Variants in TPD52L1 observed in about 807,000 individuals in gnomAD.
TPD52L1 encodes the protein TPD52 like 1.
In TPD52L1, 18 loss-of-function variants were observed where a neutral mutation model predicts 28.7. The observed-to-expected ratio is 0.63, with a 90% CI of 0.43 to 0.93. The LOEUF (loss-of-function observed/expected upper bound fraction) is 0.93. Ranked by LOEUF, TPD52L1 falls within the 40% of genes least tolerant of loss-of-function variation. TPD52L1 has a pLI of 0.00. For missense variants in TPD52L1, 203 were observed against 254.8 expected, an observed-to-expected ratio of 0.80 and a Z score of 1.39; for synonymous variants, 75 against 88.8, an observed-to-expected ratio of 0.84 and a Z score of 0.88.
At chr6:125,237,735 C>T (rs1230448750) in intron 3 of TPD52L1, among the ~76,000 whole-genome samples, 1 of 151,238 alleles carries the variant, frequency 6.6e-6, no homozygotes, top group African/African-American at 2.4e-5. Flanking sequence ...CCTCTGCCTC[C>T]TGGGTTCAAG....
intron 1 of TPD52L1, among the ~76,000 whole-genome samples, chr6:125,169,471 C>A (rs567880890): frequency 6.6e-6 from 1 of 152,210 alleles, no homozygotes; most frequent in Admixed American, 6.5e-5. Context: ...TCCAAAATAT[C>A]CCTAGTCCTC....
At chr6:125,171,476 T>C (rs1791293575) in intron 1 of TPD52L1, among the ~76,000 whole-genome samples, 1 of 152,176 alleles carries the variant, frequency 6.6e-6, no homozygotes, top group Non-Finnish European at 1.5e-5. Flanking sequence ...TACATTACAT[T>C]AATAAGACTT....
intron 2 of TPD52L1, among the ~76,000 whole-genome samples, chr6:125,223,382 G>C (rs1238946127): frequency 6.6e-6 from 1 of 152,100 alleles, no homozygotes; most frequent in African/African-American, 2.4e-5. Flanking sequence ...TGTCCAAAAG[G>C]CTTACATCTT....
chr6:125,232,627 A>G (rs1201961329), intron 3 of TPD52L1, among the ~76,000 whole-genome samples: 1 of 152,174 alleles, frequency 6.6e-6, no homozygotes, highest in East Asian at 1.9e-4. Context: ...ATCATGACCT[A>G]TTTAGTTTGA....
chr6:125,190,911 C>T (rs929166838), intron 1 of TPD52L1, among the ~76,000 whole-genome samples: 7 of 152,172 alleles, frequency 4.6e-5, no homozygotes, highest in Admixed American at 1.3e-4. Context: ...TGTTCCTAAC[C>T]GCCTGTATGT....
At chr6:125,231,862 G>A (rs147396036) in intron 3 of TPD52L1, among the ~76,000 whole-genome samples, 1 of 152,266 alleles carries the variant, frequency 6.6e-6, no homozygotes, top group African/African-American at 2.4e-5. Context: ...CATGAAGTGA[G>A]ATCATCTTAA....
At chr6:125,206,188 A>T (rs530287065) in intron 1 of TPD52L1, among the ~76,000 whole-genome samples, 64 of 152,292 alleles carry the variant, frequency 4.2e-4, no homozygotes, top group Non-Finnish European at 7.4e-4. Flanking sequence ...GTGGTGACTC[A>T]TGTGTTCTTT....
At chr6:125,182,707 C>T (rs1792287568) in intron 1 of TPD52L1, among the ~76,000 whole-genome samples, 3 of 152,180 alleles carry the variant, frequency 2.0e-5, no homozygotes, top group Non-Finnish European at 2.9e-5. Context: ...CCTCCCAGCC[C>T]TGAAGAACTG....
chr6:125,179,735 A>G (rs1792062376), intron 1 of TPD52L1, among the ~76,000 whole-genome samples: 1 of 152,184 alleles, frequency 6.6e-6, no homozygotes. Context: ...TTTTCATTCA[A>G]TAGAACTAAC....
rs142750789 is a variant in TPD52L1 at position 125,220,995 on chromosome 6, C to G, written c.135+802C>G. On this transcript the variant is annotated intron_variant, in intron 2 of 6. Transcript: ENST00000534000. ...CAGGAAGATCCTGTTCCCACAGAAGCAAGGCTTGGCCTTCCTGCTTTGGCC... is the reference window on the plus strand; with the variant it reads ...CAGGAAGATCCTGTTCCCACAGAAGGAAGGCTTGGCCTTCCTGCTTTGGCC... 4.8e-3 allele frequency among the ~76,000 whole-genome samples: 728 copies of G among 152,286 alleles called. 7 individuals carry two copies. The highest frequency in any genetic ancestry group is 0.017 in the African/African-American group (688 of 41,556).
At chr6:125,186,552 A>G (rs915629131) in intron 1 of TPD52L1, among the ~76,000 whole-genome samples, 2 of 152,222 alleles carry the variant, frequency 1.3e-5, no homozygotes, top group African/African-American at 2.4e-5. Context: ...CCCAACAAAG[A>G]TATTTTGAAA....
At chr6:125,200,904 A>C (rs1461253823) in intron 1 of TPD52L1, among the ~76,000 whole-genome samples, 1 of 152,212 alleles carries the variant, frequency 6.6e-6, no homozygotes, top group Non-Finnish European at 1.5e-5. Context: ...AAAGGAATGG[A>C]GTCAGCGTTC....
chr6:125,237,368 A>C (rs545416056), intron 3 of TPD52L1, among the ~76,000 whole-genome samples: 1 of 152,206 alleles, frequency 6.6e-6, no homozygotes, highest in South Asian at 2.1e-4. Flanking sequence ...GAGTAGTGGA[A>C]GCAGTGAGAA....
intron 3 of TPD52L1, among the ~76,000 whole-genome samples, chr6:125,242,333 A>T (rs1796662303): frequency 6.6e-6 from 1 of 151,978 alleles, no homozygotes; most frequent in South Asian, 2.1e-4. Context: ...GTTTAAGTCC[A>T]TTGTTTCATT....
chr6:125,237,407 G>T (rs1045373539), intron 3 of TPD52L1, among the ~76,000 whole-genome samples: 9 of 152,138 alleles, frequency 5.9e-5, no homozygotes, highest in African/African-American at 2.2e-4. Context: ...TCTGAAAGTT[G>T]AAATGAACCA....
At chr6:125,221,012 G>A (rs1453096967) in intron 2 of TPD52L1, among the ~76,000 whole-genome samples, 1 of 152,146 alleles carries the variant, frequency 6.6e-6, no homozygotes, top group African/African-American at 2.4e-5. Flanking sequence ...TGGCCTTCCT[G>A]CTTTGGCCTC....
chr6:125,198,013 GA>G (rs1417664593), intron 1 of TPD52L1, among the ~76,000 whole-genome samples: 1 of 152,174 alleles, frequency 6.6e-6, no homozygotes, highest in Non-Finnish European at 1.5e-5. Flanking sequence ...CAAGATCTGG[GA>G]AGGTCAACAC....
At chr6:125,192,714 CCAAG>C (rs1793135116) in intron 1 of TPD52L1, among the ~76,000 whole-genome samples, 2 of 152,164 alleles carry the variant, frequency 1.3e-5, no homozygotes, top group African/African-American at 4.8e-5. Flanking sequence ...CAAATACCAA[CCAAG>C]CACTTTGCTG....
chr6:125,245,665 G>T (rs1273749514), intron 3 of TPD52L1, among the ~76,000 whole-genome samples: 1 of 152,146 alleles, frequency 6.6e-6, no homozygotes, highest in Non-Finnish European at 1.5e-5. Context: ...TGCCTCTGCT[G>T]TGTCATATAG....
Sources: allele counts gnomAD v4.1 joint callset (sites outside exome capture counted in the v4.1 genomes callset), GRCh38; gene constraint gnomAD v4.1.1; transcripts MANE v1.5; gene names NCBI Gene and HGNC (gene_info 2026-07-23, HGNC 2026-07-21).